The following SOD2 variants were observed in gnomAD, a reference collection of about 807,000 sequenced individuals.
SOD2 encodes the protein superoxide dismutase 2.
Under a neutral mutation model 27.0 loss-of-function variants are expected in SOD2, and 11 were observed. The observed-to-expected ratio is 0.41, with a 90% CI of 0.26 to 0.67. The LOEUF (loss-of-function observed/expected upper bound fraction) is 0.67. Ranked by LOEUF, SOD2 falls within the 30% of genes least tolerant of loss-of-function variation. The pLI is 0.34. For missense variants in SOD2, 250 were observed against 274.5 expected (o/e 0.91, Z 0.63); for synonymous variants, 105 against 103.0 (o/e 1.02, Z -0.12).
intron 1 of SOD2, among the ~76,000 whole-genome samples, chr6:159,706,851 T>A (rs550658856): frequency 1.3e-5 from 2 of 152,250 alleles, no homozygotes; most frequent in South Asian, 2.1e-4. Context: ...ATTCCAAAAC[T>A]GACCACATAG....
chr6:159,742,200 A>AC, intron 1 of SOD2: 12 of 1,391,954 alleles, frequency 8.6e-6, no homozygotes, highest in Non-Finnish European at 1.2e-5. Flanking sequence ...TTGATTGTTA[A>AC]AATCAAAAGG....
In SOD2 at chr6:159,706,049, T is replaced by G. The variant is rs1777619963; in HGVS notation, c.-115-13186A>C. Among the ~76,000 whole-genome samples the G allele has an allele frequency of 3.3e-5, 5 of 151,956 alleles. No individual in the cohort carries two copies. The South Asian group carries it at 1.0e-3, about 32-fold the overall frequency. On this transcript the variant is annotated intron_variant, in intron 1 of 2. Transcript: ENST00000401980. ...ATAAGTGAAGGAGAAATAAAATCCT[T>G]TACAAACAAGCAAATGCTGAGAGAT...
chr6:159,689,913 ACACGCCACTG>A lies in SOD2; in HGVS notation c.227-1681_227-1672del, dbSNP rs199776546. On this transcript the variant is annotated intron_variant, in intron 2 of 4. Coordinates refer to ENST00000538183, the MANE Select transcript of SOD2 (RefSeq NM_000636.4). ...AGGCAGAGGTTGCAGTGAACCAAGAACACGCCACTGCACTCCAGCCTGGGCGACAGGGCAA... is the reference window on the plus strand; with the variant it reads ...AGGCAGAGGTTGCAGTGAACCAAGAACACTCCAGCCTGGGCGACAGGGCAA... Among the ~76,000 whole-genome samples the A allele has an allele frequency of 8.2e-3, 1,229 of 150,500 alleles. 17 individuals carry two copies. Among genetic ancestry groups the A allele is most frequent in the African/African-American group, 0.028 (1,164 of 40,866 alleles).
upstream of SOD2, chr6:159,727,510 C>T (rs1778260958): frequency 3.0e-6 from 3 of 992,744 alleles, no homozygotes; most frequent in Admixed American, 6.2e-5. Context: ...GGTTTCCTCC[C>T]TCAGCGCCAT....
upstream of SOD2, chr6:159,748,059 G>A: frequency 8.5e-7 from 1 of 1,177,228 alleles, no homozygotes; most frequent in Non-Finnish European, 1.2e-6. The surrounding 1 kb of genome is among the most constrained non-coding windows in gnomAD (Gnocchi z 5.6). Context: ...TTTTTCTAGA[G>A]AATTTCAGGA....
At chr6:159,728,763 GA>G (rs1778384851), upstream of SOD2, among the ~76,000 whole-genome samples, 1 of 152,220 alleles carries the variant, frequency 6.6e-6, no homozygotes, top group South Asian at 2.1e-4. Context: ...GCTGGCTTGT[GA>G]TAAGGTTGAG....
In SOD2 at chr6:159,743,539, TA is replaced by T. The variant is rs1172305988; in HGVS notation, c.-116+1590del. On this transcript the variant is annotated intron_variant, in intron 1 of 3. Transcript: ENST00000537657. Reference sequence around the variant, plus strand: ...TGACCAGGAAGAAATTCGCCTGTTATAAAAGTAGTTAGGATGGAAACTAAAG... The same window carrying T: ...TGACCAGGAAGAAATTCGCCTGTTATAAAGTAGTTAGGATGGAAACTAAAG... The T allele has an allele frequency of 6.4e-6, 6 of 937,260 alleles. No homozygotes were observed. In the African/African-American group the frequency reaches 1.0e-4, roughly 16 times the overall value. 58.1% of individuals were successfully genotyped at this position (937,260 alleles called of 1,614,324 possible). A position where few individuals can be genotyped will look rare whatever the true frequency, so the allele number is the denominator to read the frequency against.
At chr6:159,715,446 T>C (rs1040196639) in intron 1 of SOD2, among the ~76,000 whole-genome samples, 25 of 152,162 alleles carry the variant, frequency 1.6e-4, no homozygotes, top group African/African-American at 5.6e-4. Context: ...GACTGTCTCC[T>C]GTCCTAGTGG....
rs1457446055 is a variant in SOD2, at chr6:159,673,063, T to C, written c.*9430A>G. On this transcript the variant is annotated 3_prime_UTR_variant, in exon 5 of 5. Transcript: ENST00000538183. ...AGAAGAGCTAACTATCTTAAATATA[T>C]ATGCACCCAATACAGGAGCACCCAG... 1.3e-5 allele frequency: 2 copies of C among 152,170 alleles called. No individual in the cohort carries two copies. The highest frequency in any genetic ancestry group is 2.4e-5 in the African/African-American group (1 of 41,432). The allele number at this position is 152,170 out of a possible 1,614,324, so 9.4% of individuals were successfully genotyped here.
intron 1 of SOD2, among the ~76,000 whole-genome samples, chr6:159,743,423 C>T (rs1228418976): frequency 6.6e-6 from 1 of 152,180 alleles, no homozygotes; most frequent in Non-Finnish European, 1.5e-5. Context: ...TGTTTTCTGT[C>T]TTCTGTTGGG....
chr6:159,689,416 G>C (rs1780346282), intron 2 of SOD2, among the ~76,000 whole-genome samples: 2 of 152,242 alleles, frequency 1.3e-5, no homozygotes, highest in South Asian at 4.1e-4. Context: ...TACTGCATGG[G>C]TACCTTGCCA....
At chr6:159,739,587 A>AGT (rs1213263603) in intron 1 of SOD2, among the ~76,000 whole-genome samples, 1 of 152,236 alleles carries the variant, frequency 6.6e-6, no homozygotes, top group Non-Finnish European at 1.5e-5. Flanking sequence ...GAAATCAGGA[A>AGT]GTAGGATGTT....
exon 1 of SOD2, chr6:159,762,146 A>T (rs1299109649): frequency 1.2e-6 from 2 of 1,610,090 alleles, no homozygotes; most frequent in Non-Finnish European, 1.7e-6. Flanking sequence ...ATCATAGGTG[A>T]GTGGCCGGCG....
chr6:159,710,785 A>AT (rs878949055), intron 1 of SOD2, among the ~76,000 whole-genome samples: 33 of 148,586 alleles, frequency 2.2e-4, no homozygotes, highest in East Asian at 1.6e-3. Flanking sequence ...ACCACCACTC[A>AT]GCTGCTCTGA....
At chr6:159,738,777 A>G (rs1372431906) in intron 1 of SOD2, among the ~76,000 whole-genome samples, 2 of 152,020 alleles carry the variant, frequency 1.3e-5, no homozygotes, top group East Asian at 1.9e-4. Context: ...TGGGGTTTTA[A>G]TGTGCATTTT....
At position 159,685,974 on chromosome 6, in the gene SOD2, C is replaced by T. The variant is rs1780169389; in HGVS notation, c.344-941G>A. 2.0e-5 allele frequency among the ~76,000 whole-genome samples: 3 copies of T among 152,212 alleles called. No individual in the cohort carries two copies. The South Asian group carries it at 6.2e-4, about 32-fold the overall frequency. ...TTTTCCTTTGACTTCTACCCTCCTTCTTCTACGCCTCCATTTGGGAATAAA... is the reference window on the plus strand; with the variant it reads ...TTTTCCTTTGACTTCTACCCTCCTTTTTCTACGCCTCCATTTGGGAATAAA... On this transcript the variant is annotated intron_variant, in intron 3 of 4. Transcript: ENST00000538183.
chr6:159,733,752 A>T (rs1778733319), intron 1 of SOD2, among the ~76,000 whole-genome samples: 1 of 152,066 alleles, frequency 6.6e-6, no homozygotes, highest in South Asian at 2.1e-4. Flanking sequence ...CGTCTCTACT[A>T]AAAATACAAG....
At chr6:159,697,310 G>A (rs943180329), upstream of SOD2, among the ~76,000 whole-genome samples, 2 of 150,932 alleles carry the variant, frequency 1.3e-5, no homozygotes, top group African/African-American at 4.9e-5. Context: ...AAAATTTGGG[G>A]TCACAAATCT....
upstream of SOD2, among the ~76,000 whole-genome samples, chr6:159,694,195 G>T (rs1040410933): frequency 2.0e-5 from 3 of 152,324 alleles, no homozygotes; most frequent in African/African-American, 7.2e-5. Flanking sequence ...TTCCTGCGCT[G>T]TCTTGTAGCC....
Sources: gnomAD v4.1 joint callset for allele counts (sites outside exome capture counted in the v4.1 genomes callset) on GRCh38, gnomAD v4.1.1 for gene constraint, Gnocchi (gnomAD v3.1) non-coding constraint, MANE v1.5 for transcripts, NCBI Gene and HGNC (gene_info 2026-07-23, HGNC 2026-07-21) for gene names.